The following ACADL variants were observed in gnomAD, a reference collection of about 807,000 sequenced individuals.
ACADL encodes the protein acyl-CoA dehydrogenase long chain.
Under a neutral mutation model 56.9 loss-of-function variants are expected in ACADL, and 60 were observed. The observed-to-expected ratio is 1.05, with a 90% confidence interval of 0.86 to 1.31. ACADL has a LOEUF of 1.31. Ranked by LOEUF, ACADL falls within the 50% of genes most tolerant of loss-of-function variation. The probability of loss-of-function intolerance (pLI) is 0.00; values close to 1 mark genes in which losing one functional copy is unlikely to be tolerated. For synonymous variants in ACADL, 158 were observed against 179.7 expected (o/e 0.88, Z 0.97); for missense variants, 484 against 525.5 (o/e 0.92, Z 0.77).
chr2:210,191,933 T>C (rs7601356), intron 10 of ACADL, among the ~76,000 whole-genome samples: 42,197 of 151,942 alleles, frequency 0.28, 6,525 homozygotes, highest in Non-Finnish European at 0.35. Context: ...ATTCTGGAGA[T>C]TGAGGAAGAA....
rs1166909640 is a variant in ACADL, at chr2:210,225,186, C to A, written c.77+1G>T. The A allele has an allele frequency of 6.5e-7, 1 of 1,532,656 alleles. No homozygotes were observed. The highest frequency in any genetic ancestry group is 8.7e-7 in the Non-Finnish European group (1 of 1,145,102). The allele number at this position is 1,532,656 out of a possible 1,614,324, so 94.9% of individuals were successfully genotyped here. On this transcript the variant is annotated splice_donor_variant, in intron 1 of 10. Coordinates refer to ENST00000233710, the MANE Select transcript of ACADL (RefSeq NM_001608.4). LOFTEE classifies it high-confidence loss of function. ...CCGCGGAAGTCCCGGCTGGCACTCA[C>A]CGCGCGGCGGGCAGCTGGCGCGGCG...
chr2:210,206,777 T>C (rs1688894483), intron 5 of ACADL, among the ~76,000 whole-genome samples: 1 of 152,198 alleles, frequency 6.6e-6, no homozygotes, highest in Admixed American at 6.5e-5. Flanking sequence ...CAAATCTTTA[T>C]TTAAGCCATG....
intron 10 of ACADL, among the ~76,000 whole-genome samples, chr2:210,191,488 C>T (rs556637587): frequency 6.6e-6 from 1 of 152,220 alleles, no homozygotes; most frequent in South Asian, 2.1e-4. Flanking sequence ...ATTGCCTTCT[C>T]CCCACCTAAT....
intron 1 of ACADL, among the ~76,000 whole-genome samples, chr2:210,221,980 T>C (rs992518814): frequency 5.9e-5 from 9 of 152,168 alleles, no homozygotes; most frequent in Non-Finnish European, 1.3e-4. Context: ...TACACCCATC[T>C]CAGCTTCCAA....
chr2:210,194,328 T>C (rs531096741), intron 9 of ACADL, among the ~76,000 whole-genome samples: 1 of 152,278 alleles, frequency 6.6e-6, no homozygotes, highest in Non-Finnish European at 1.5e-5. Context: ...GCACAAAATA[T>C]TTCCCCTGTT....
Position 210,225,275 on chromosome 2 carries a change from AGGGGCGGC to A in ACADL, c.-20_-13del. On this transcript the variant is annotated 5_prime_UTR_variant, in exon 1 of 11. Coordinates refer to ENST00000233710, the MANE Select transcript of ACADL (RefSeq NM_001608.4). ...AGGCGTGCGGCCATGTCCGAAACAC[AGGGGCGGC>A]GGGGCGACGGAGGCGACTCTGCGGC... 1 of 1,551,654 alleles carries A rather than the reference AGGGGCGGC, an allele frequency of 6.4e-7. No homozygotes were observed. The highest frequency in any genetic ancestry group is 1.2e-5 in the South Asian group (1 of 84,626).
chr2:210,192,870 C>T lies in ACADL; in HGVS notation c.1133G>A (p.Ser378Asn), dbSNP rs761854222. The change falls in exon 10 of 11, where the codon AGT becomes AAT. Residue 378 changes from serine (S) to asparagine (N), a missense_variant. Physicochemically the swap from Ser to Asn is conservative, Grantham distance 46. Transcript: ENST00000233710. ...AKYWASELQN[S>N]VAYDCVQLHG... ...GAGCTGTACACAGTCGTAAGCTACA[C>T]TATTTTGTAACTCAGATGCCCTAAA... The T allele has an allele frequency of 6.2e-7, 1 of 1,613,820 alleles. No individual in the cohort carries two copies. Among genetic ancestry groups the T allele is most frequent in the South Asian group, 1.1e-5 (1 of 91,080 alleles).
intron 2 of ACADL, 82 bp downstream of exon 2, chr2:210,220,565 G>A: frequency 3.9e-6 from 5 of 1,295,524 alleles, no homozygotes; most frequent in Non-Finnish European, 5.6e-6. Context: ...TATGTTTTCT[G>A]TATAGCAATA....
intron 9 of ACADL, 50 bp downstream of exon 9, chr2:210,195,160 TC>T (rs1157492785): frequency 6.2e-7 from 1 of 1,612,452 alleles, no homozygotes; most frequent in East Asian, 2.2e-5. Context: ...TTGGCAGAAT[TC>T]CATATCAGTC....
intron 8 of ACADL, among the ~76,000 whole-genome samples, chr2:210,200,757 G>A (rs1688779179): frequency 6.6e-6 from 1 of 152,222 alleles, no homozygotes; most frequent in East Asian, 1.9e-4. Context: ...GTAGCAAACA[G>A]TTCCCAAAAC....
chr2:210,198,391 T>G (rs1230089913), intron 8 of ACADL, among the ~76,000 whole-genome samples: 1 of 152,168 alleles, frequency 6.6e-6, no homozygotes, highest in Non-Finnish European at 1.5e-5. Flanking sequence ...AACTGGATAT[T>G]CCCATTTTAG....
Position 210,192,848 on chromosome 2 carries a change from C to A in ACADL, c.1155G>T (p.Gln385His). 2 of 1,613,830 alleles carry A rather than the reference C, an allele frequency of 1.2e-6. No homozygotes were observed. Among genetic ancestry groups the A allele is most frequent in the Non-Finnish European group, 1.7e-6 (2 of 1,179,860 alleles). ...ACATGTATCCCCAACCTCCATGGAG[C>A]TGTACACAGTCGTAAGCTACACTAT... ...LQNSVAYDCVQLHGGWGYMWE... is the reference protein window; with the variant it reads ...LQNSVAYDCVHLHGGWGYMWE... Residue 385 changes from glutamine to histidine, a missense_variant, in exon 10 of 11, where the codon CAG becomes CAT. Physicochemically the swap from Gln to His is conservative, Grantham distance 24. Transcript: ENST00000233710.
chr2:210,223,346 A>G (rs1452266479), intron 1 of ACADL, among the ~76,000 whole-genome samples: 2 of 152,154 alleles, frequency 1.3e-5, no homozygotes, highest in African/African-American at 4.8e-5. Flanking sequence ...TGGCTAGGCT[A>G]TTATTGTTTT....
intron 5 of ACADL, chr2:210,209,784 G>A (rs1688948586): frequency 6.0e-6 from 1 of 167,682 alleles, no homozygotes; most frequent in Non-Finnish European, 1.3e-5. Context: ...TTACAGGTGT[G>A]AGCCACTGTG....
At chr2:210,209,441 A>G (rs938161069) in intron 5 of ACADL, 10 of 152,134 alleles carry the variant, frequency 6.6e-5, no homozygotes, top group African/African-American at 9.7e-5. Context: ...GCGCTCTCCA[A>G]TTCTACCAGT....
intron 8 of ACADL, among the ~76,000 whole-genome samples, chr2:210,198,866 C>CA (rs1688751904): frequency 2.6e-5 from 4 of 151,846 alleles, no homozygotes; most frequent in South Asian, 2.1e-4. Flanking sequence ...GTCTATTCCG[C>CA]AAAAAACCAT....
intron 10 of ACADL, among the ~76,000 whole-genome samples, chr2:210,190,754 A>T (rs1421217424): frequency 6.6e-5 from 10 of 152,226 alleles, no homozygotes; most frequent in Admixed American, 5.9e-4. Context: ...CCTCTTATCT[A>T]TGAAACCAAC....
chr2:210,192,783 G>A (rs755828677), intron 10 of ACADL, 21 bp downstream of exon 10: 1 of 1,562,848 alleles, frequency 6.4e-7, no homozygotes, highest in South Asian at 1.1e-5. Context: ...AAAGAAGAGT[G>A]TATCAGAAAA....
At chr2:210,201,301 G>C (rs1167287708) in intron 8 of ACADL, among the ~76,000 whole-genome samples, 1 of 152,042 alleles carries the variant, frequency 6.6e-6, no homozygotes, top group African/African-American at 2.4e-5. Context: ...GTGTCTGCGT[G>C]CCCAAATTAT....
Sources: allele counts gnomAD v4.1 joint callset (sites outside exome capture counted in the v4.1 genomes callset), GRCh38; gene constraint gnomAD v4.1.1; transcripts MANE v1.5; gene names NCBI Gene and HGNC (gene_info 2026-07-23, HGNC 2026-07-21).